The following SNX5 variants were observed in gnomAD, a reference collection of about 807,000 sequenced individuals.
The protein encoded by SNX5 is sorting nexin-5.
In SNX5, 31 loss-of-function variants were observed where a neutral mutation model predicts 53.9. That is an observed-to-expected ratio of 0.58 (90% confidence interval 0.43 to 0.78). The LOEUF (loss-of-function observed/expected upper bound fraction) is 0.78. Among genes scored for constraint, SNX5 ranks in the 30% least tolerant of loss-of-function variants. The pLI is 0.00. For missense variants in SNX5, 471 were observed against 478.8 expected (o/e 0.98, Z 0.15); for synonymous variants, 168 against 171.1 (o/e 0.98, Z 0.14).
chr20:17,967,412 T>C lies in SNX5; in HGVS notation c.51+963A>G, dbSNP rs978365719. Among the ~76,000 whole-genome samples the C allele has an allele frequency of 2.6e-5, 4 of 152,190 alleles. No homozygotes were observed. The East Asian group carries it at 7.7e-4, about 29-fold the overall frequency. ...TCTATTTTAATAATTAATGCAATGA[T>C]ACCCTTGTTGGAACAATCCAGCCGC... On this transcript the variant is annotated intron_variant, in intron 1 of 12. Coordinates refer to ENST00000377759, the MANE Select transcript of SNX5 (RefSeq NM_014426.4).
At chr20:17,960,771 C>CAA (rs571474077) in intron 1 of SNX5, among the ~76,000 whole-genome samples, 1,194 of 92,718 alleles carry the variant, frequency 0.013, 8 homozygotes, top group African/African-American at 0.029. Flanking sequence ...AGCGAGTCTC[C>CAA]AAAAAAAAAA....
At chr20:17,961,294 A>T (rs1361270486) in intron 1 of SNX5, 12 of 985,328 alleles carry the variant, frequency 1.2e-5, no homozygotes, top group Non-Finnish European at 1.4e-5. Flanking sequence ...AAAAGGTTTA[A>T]TGGCTTACAG....
At chr20:17,962,924 G>C in intron 1 of SNX5, 1 of 517,824 alleles carries the variant, frequency 1.9e-6, no homozygotes, top group Non-Finnish European at 3.9e-6. Flanking sequence ...TCAGCGAATG[G>C]ATAAACTGAA....
chr20:17,944,533 T>C (rs2039460001), intron 11 of SNX5: 2 of 152,120 alleles, frequency 1.3e-5, no homozygotes, highest in African/African-American at 4.8e-5. Flanking sequence ...CATGCTTCCT[T>C]TTCATCTACT....
intron 12 of SNX5, chr20:17,942,644 C>T (rs895691452): frequency 3.5e-6 from 2 of 563,546 alleles, no homozygotes; most frequent in Non-Finnish European, 6.3e-6. Flanking sequence ...ACGTTCACTC[C>T]AGCACCTCTG....
At chr20:17,947,185 T>C (rs2039498031) in intron 11 of SNX5, 3 of 298,450 alleles carry the variant, frequency 1.0e-5, no homozygotes, top group Admixed American at 5.0e-5. Context: ...CAAACAACCA[T>C]ACTGTAACCA....
In SNX5 at chr20:17,952,864, A is replaced by G. The variant is rs571206121; in HGVS notation, c.390-154T>C. 1.7e-3 allele frequency among the ~76,000 whole-genome samples: 256 copies of G among 152,354 alleles called. 1 individual carries two copies. Among genetic ancestry groups the G allele is most frequent in the Non-Finnish European group, 2.5e-3 (168 of 68,034 alleles). ...TCAGTATAAACTGGTGTCTAGTTAG[A>G]TACTAAGGCAGTTGCCATTTTTGAA... On this transcript the variant is annotated intron_variant, in intron 4 of 12. Transcript: ENST00000377759.
In SNX5 at chr20:17,943,363, T is replaced by C. The variant is rs919675580; in HGVS notation, c.1079-168A>G. The C allele has an allele frequency of 4.2e-5, 25 of 600,328 alleles. No individual in the cohort carries two copies. In the African/African-American group the frequency reaches 4.3e-4, roughly 10 times the overall value. 37.2% of individuals were successfully genotyped at this position (600,328 alleles called of 1,614,324 possible). On this transcript the variant is annotated intron_variant, in intron 11 of 12. Transcript: ENST00000377759. Reference sequence around the variant, plus strand: ...TGACTGGGACACATCAGACATCTATTAACTGTGGTGATACAGCTATCACTG... The same window carrying C: ...TGACTGGGACACATCAGACATCTATCAACTGTGGTGATACAGCTATCACTG...
At chr20:17,955,101 C>A (rs1436378821) in intron 3 of SNX5, among the ~76,000 whole-genome samples, 1 of 152,128 alleles carries the variant, frequency 6.6e-6, no homozygotes, top group Non-Finnish European at 1.5e-5. Flanking sequence ...CAGAGAAAAA[C>A]CAAACCTAAA....
At chr20:17,964,211 T>A (rs931677688) in intron 1 of SNX5, among the ~76,000 whole-genome samples, 1 of 152,152 alleles carries the variant, frequency 6.6e-6, no homozygotes, top group African/African-American at 2.4e-5. Context: ...GCGGTGCTCT[T>A]GAAAGAAAAA....
At chr20:17,952,452 G>T in intron 5 of SNX5, 135 bp downstream of exon 5, 2 of 849,604 alleles carry the variant, frequency 2.4e-6, no homozygotes, top group Non-Finnish European at 3.4e-6. Flanking sequence ...GACTTACAAT[G>T]AAGGAAAAGC....
chr20:17,960,482 T>C (rs1234397296), intron 1 of SNX5, among the ~76,000 whole-genome samples: 1 of 152,180 alleles, frequency 6.6e-6, no homozygotes, highest in Non-Finnish European at 1.5e-5. Context: ...TAATCCCAGC[T>C]ACTCAGGAGG....
intron 1 of SNX5, chr20:17,962,876 C>T (rs567708592): frequency 9.7e-5 from 50 of 517,794 alleles, no homozygotes; most frequent in South Asian, 2.8e-4. Flanking sequence ...GTTCCTAGAA[C>T]AGGAACTGAG....
intron 10 of SNX5, among the ~76,000 whole-genome samples, chr20:17,948,425 G>A (rs1005518064): frequency 1.4e-4 from 21 of 152,150 alleles, no homozygotes; most frequent in African/African-American, 4.6e-4. Context: ...AGCCTTAGAG[G>A]GCATACAATC....
At chr20:17,961,417 C>T in intron 1 of SNX5, 1 of 985,374 alleles carries the variant, frequency 1.0e-6, no homozygotes, top group Non-Finnish European at 1.2e-6. Context: ...ATGGTGACTG[C>T]AGACTCAGTG....
intron 11 of SNX5, chr20:17,947,187 C>T (rs997417210): frequency 8.6e-5 from 26 of 301,122 alleles, no homozygotes; most frequent in African/African-American, 5.5e-4. Context: ...AACAACCATA[C>T]TGTAACCATA....
rs1194568776 is a variant in SNX5, at chr20:17,943,210, AAT to A, written c.1079-17_1079-16del. ...ATTTATCAGTTCTACAGGAAGAAAA[AAT>A]GTTTATGAAACCAAGAAAAACTAAA... On this transcript the variant is annotated splice_polypyrimidine_tract_variant and intron_variant, in intron 11 of 12. Coordinates refer to ENST00000377759, the MANE Select transcript of SNX5 (RefSeq NM_014426.4). The A allele has an allele frequency of 6.5e-7, 1 of 1,542,602 alleles. No individual in the cohort carries two copies.
chr20:17,948,662 A>T (rs559122688), intron 10 of SNX5, among the ~76,000 whole-genome samples: 167 of 152,336 alleles, frequency 1.1e-3, no homozygotes, highest in Non-Finnish European at 2.0e-3. Context: ...TCTGCATGTT[A>T]TGTCCCACAT....
At chr20:17,961,555 A>G (rs1189759971) in intron 1 of SNX5, 1 of 984,446 alleles carries the variant, frequency 1.0e-6, no homozygotes, top group Non-Finnish European at 1.2e-6. Flanking sequence ...TGGATACAAT[A>G]TGCAGTGCTA....
Sources: gnomAD v4.1 joint callset for allele counts (sites outside exome capture counted in the v4.1 genomes callset) on GRCh38, gnomAD v4.1.1 for gene constraint, MANE v1.5 for transcripts, NCBI Gene and HGNC (gene_info 2026-07-23, HGNC 2026-07-21) for gene names.